The following CLEC12A variants were observed in gnomAD, a reference collection of about 807,000 sequenced individuals.
CLEC12A encodes the protein C-type lectin protein CLL-1.
Under a neutral mutation model 26.5 loss-of-function variants are expected in CLEC12A, and 22 were observed. The ratio of observed to expected loss-of-function variants is 0.83; its 90% CI spans 0.59 to 1.19. The LOEUF (loss-of-function observed/expected upper bound fraction) is 1.19, where lower values mean the gene tolerates loss of function less well. Among genes scored for constraint, CLEC12A ranks in the 50% most tolerant of loss-of-function variants. The probability of loss-of-function intolerance (pLI) is 0.00; values close to 1 mark genes in which losing one functional copy is unlikely to be tolerated. For synonymous variants in CLEC12A, 119 were observed against 101.9 expected (o/e 1.17, Z -1.01); for missense variants, 353 against 315.6 (o/e 1.12, Z -0.90).
chr12:9,979,206 T>C, intron 2 of CLEC12A, 130 bp from the exon 3 acceptor site: 1 of 946,068 alleles, frequency 1.1e-6, no homozygotes, highest in Non-Finnish European at 1.6e-6. Context: ...TGGAACTTAG[T>C]CTCTTTCCCT....
At chr12:9,968,247 G>C (rs1161426128), upstream of CLEC12A, among the ~76,000 whole-genome samples, 1 of 152,172 alleles carries the variant, frequency 6.6e-6, no homozygotes, top group Admixed American at 6.5e-5. Flanking sequence ...GAGGTCCCCT[G>C]ATCCGAGTCA....
downstream of CLEC12A, among the ~76,000 whole-genome samples, chr12:9,996,110 T>A (rs1171024227): frequency 6.6e-6 from 1 of 152,178 alleles, no homozygotes; most frequent in African/African-American, 2.4e-5. Context: ...GACAGATATG[T>A]GAGACTCAAA....
At chr12:9,954,272 G>C (rs928580684) in intron 1 of CLEC12A, among the ~76,000 whole-genome samples, 1 of 145,996 alleles carries the variant, frequency 6.8e-6, no homozygotes, top group Non-Finnish European at 1.5e-5. Context: ...GAGGTGGGCA[G>C]ATACTTGAGC....
chr12:9,987,630 G>C (rs1172645706), downstream of CLEC12A, among the ~76,000 whole-genome samples: 1 of 152,174 alleles, frequency 6.6e-6, no homozygotes, highest in East Asian at 1.9e-4. Context: ...ACATCTCCCA[G>C]TCAGATATAG....
intron 1 of CLEC12A, among the ~76,000 whole-genome samples, chr12:9,962,792 T>C (rs7304783): frequency 0.32 from 48,838 of 152,074 alleles, 8,394 homozygotes; most frequent in East Asian, 0.46. Context: ...TGGATGTGTA[T>C]GTGCAGGTCA....
At chr12:9,969,667 C>T (rs1864057063), upstream of CLEC12A, among the ~76,000 whole-genome samples, 1 of 152,162 alleles carries the variant, frequency 6.6e-6, no homozygotes, top group Non-Finnish European at 1.5e-5. Flanking sequence ...AGCAATAGAA[C>T]ACAGAACAGG....
intron 1 of CLEC12A, among the ~76,000 whole-genome samples, chr12:9,977,293 A>G (rs1260782393): frequency 4.6e-5 from 7 of 152,216 alleles, no homozygotes; most frequent in African/African-American, 9.6e-5. Flanking sequence ...ATACTGTAAC[A>G]GATTTCTTAC....
chr12:9,965,820 G>T (rs910902782), intron 1 of CLEC12A, among the ~76,000 whole-genome samples: 1 of 152,092 alleles, frequency 6.6e-6, no homozygotes, highest in Non-Finnish European at 1.5e-5. Flanking sequence ...TAGGATATTG[G>T]CATTGAGCGG....
intron 4 of CLEC12A, chr12:9,993,237 T>A (rs1864936688): frequency 1.2e-6 from 2 of 1,612,560 alleles, no homozygotes; most frequent in Admixed American, 1.7e-5. Flanking sequence ...TTTCCCATTA[T>A]GAAAATAAGC....
intron 1 of CLEC12A, chr12:9,952,597 C>G (rs1461882547): frequency 5.9e-6 from 1 of 169,760 alleles, no homozygotes; most frequent in Non-Finnish European, 1.2e-5. Flanking sequence ...CGGCCGCCAC[C>G]CCGTCTGGGA....
intron 4 of CLEC12A, among the ~76,000 whole-genome samples, chr12:9,981,142 C>G (rs565501109): frequency 6.6e-6 from 1 of 152,202 alleles, no homozygotes; most frequent in South Asian, 2.1e-4. Context: ...TTTTTTAATT[C>G]ACTAAGAGAA....
At chr12:9,994,559 A>G (rs922656031) in intron 4 of CLEC12A, among the ~76,000 whole-genome samples, 1 of 151,996 alleles carries the variant, frequency 6.6e-6, no homozygotes, top group Non-Finnish European at 1.5e-5. Flanking sequence ...ATAGGAAGCA[A>G]CTCCACTCAA....
chr12:9,986,016 A>G (rs1864756848), downstream of CLEC12A: 1 of 270,468 alleles, frequency 3.7e-6, no homozygotes, highest in Non-Finnish European at 7.9e-6. Context: ...CTTCTGTGAC[A>G]GTAGCTGGGC....
At chr12:10,000,512 A>G (rs1039073610), downstream of CLEC12A, among the ~76,000 whole-genome samples, 1 of 152,238 alleles carries the variant, frequency 6.6e-6, no homozygotes, top group Non-Finnish European at 1.5e-5. Flanking sequence ...AAAAAAACAC[A>G]TTTGAAATAA....
At chr12:9,975,525 A>G (rs1257048800) in intron 1 of CLEC12A, among the ~76,000 whole-genome samples, 2 of 152,206 alleles carry the variant, frequency 1.3e-5, no homozygotes, top group African/African-American at 4.8e-5. Flanking sequence ...GGCAGAAGAA[A>G]TTTCTAAGCA....
At chr12:10,000,753 G>C in the CLEC12A span, among the ~76,000 whole-genome samples, 1 of 152,162 alleles carries the variant, frequency 6.6e-6, no homozygotes, top group Non-Finnish European at 1.5e-5. Flanking sequence ...TTTTCTGGAA[G>C]ATTGGGGTTG....
At chr12:9,967,251 G>A (rs904942649), upstream of CLEC12A, among the ~76,000 whole-genome samples, 12 of 148,704 alleles carry the variant, frequency 8.1e-5, no homozygotes, top group African/African-American at 2.7e-4. Context: ...GGAAGATTTG[G>A]GATGAGTTGC....
At chr12:9,980,829 A>T in intron 4 of CLEC12A, 96 bp downstream of exon 4, 1 of 1,325,204 alleles carries the variant, frequency 7.5e-7, no homozygotes, top group Non-Finnish European at 1.0e-6. Flanking sequence ...GGTTTATTTC[A>T]GTTGGGGTGT....
At chr12:9,971,149 C>CT (rs1440198799), upstream of CLEC12A, among the ~76,000 whole-genome samples, 3 of 152,092 alleles carry the variant, frequency 2.0e-5, no homozygotes. Context: ...TAGTGAGTGT[C>CT]TGAGAACTGC....
Sources: allele counts gnomAD v4.1 joint callset (sites outside exome capture counted in the v4.1 genomes callset), GRCh38; gene constraint gnomAD v4.1.1; transcripts MANE v1.5; gene names NCBI Gene and HGNC (gene_info 2026-07-23, HGNC 2026-07-21).